Variants in JAK1 observed in about 807,000 individuals in gnomAD.
The protein encoded by JAK1 is Janus kinase 1.
A neutral mutation model predicts 136.6 loss-of-function variants in JAK1; 16 were observed. The ratio of observed to expected loss-of-function variants is 0.12; its 90% CI spans 0.08 to 0.18. JAK1 has a LOEUF of 0.18. Among genes scored for constraint, JAK1 ranks in the 10% least tolerant of loss-of-function variants. The probability of loss-of-function intolerance (pLI) is 1.00; values close to 1 mark genes in which losing one functional copy is unlikely to be tolerated. For synonymous variants in JAK1, 492 were observed against 519.5 expected, an observed-to-expected ratio of 0.95 and a Z score of 0.72; for missense variants, 859 against 1,450.1, an observed-to-expected ratio of 0.59 and a Z score of 6.62.
intron 11 of JAK1, among the ~76,000 whole-genome samples, 198 bp downstream of exon 11, chr1:64,855,311 G>T (rs1225826393): frequency 6.6e-6 from 1 of 152,194 alleles, no homozygotes; most frequent in African/African-American, 2.4e-5. Flanking sequence ...AAAGGTATAT[G>T]CCTCTTCTAC....
chr1:65,047,008 C>T (rs1489840582), intron 1 of JAK1, among the ~76,000 whole-genome samples: 1 of 150,180 alleles, frequency 6.7e-6, no homozygotes, highest in African/African-American at 2.5e-5. Context: ...CTAGGCAACA[C>T]AGTGAGATCC....
chr1:64,936,711 C>A (rs1047196695), intron 1 of JAK1, among the ~76,000 whole-genome samples: 2 of 152,150 alleles, frequency 1.3e-5, no homozygotes, highest in Middle Eastern at 3.2e-3. Flanking sequence ...GACCTACCTA[C>A]CTCATTTGCT....
In JAK1 at chr1:64,984,617, T is replaced by C. The variant is rs1390054000; in HGVS notation, c.-78+59863A>G. On this transcript the variant is annotated intron_variant, in intron 2 of 25. Transcript: ENST00000671954. This position sits in a 1 kb window ranked among gnomAD's most constrained non-coding sequence, Gnocchi z 4.1. ...GAAGGAGGCATGATTTAGACATTGG[T>C]GGTGGTCTCCTTAGCAGGCTGGATA... 5 of 446,070 alleles carry C rather than the reference T, an allele frequency of 1.1e-5. No homozygotes were observed. Among genetic ancestry groups the C allele is most frequent in the Admixed American group, 6.0e-5 (2 of 33,418 alleles). 27.6% of individuals were successfully genotyped at this position (446,070 alleles called of 1,614,324 possible).
At chr1:65,048,813 T>C (rs1330843786) in intron 1 of JAK1, among the ~76,000 whole-genome samples, 1 of 150,960 alleles carries the variant, frequency 6.6e-6, no homozygotes, top group East Asian at 2.2e-4. Flanking sequence ...TCTTGGGAAA[T>C]GGGCATTTAA....
chr1:64,981,077 A>T (rs1490588353), intron 2 of JAK1, among the ~76,000 whole-genome samples: 1 of 152,152 alleles, frequency 6.6e-6, no homozygotes, highest in Non-Finnish European at 1.5e-5. Flanking sequence ...TTCTATTTTC[A>T]GGAAGAAATA....
chr1:64,918,911 C>G (rs1645446042), intron 1 of JAK1, among the ~76,000 whole-genome samples: 1 of 152,092 alleles, frequency 6.6e-6, no homozygotes, highest in Non-Finnish European at 1.5e-5. Flanking sequence ...TCTTGAATGG[C>G]AGCAACTTTT....
At chr1:65,033,530 A>T (rs1647041937) in intron 2 of JAK1, among the ~76,000 whole-genome samples, 1 of 151,958 alleles carries the variant, frequency 6.6e-6, no homozygotes, top group East Asian at 1.9e-4. Flanking sequence ...TACAACTCTT[A>T]AATTATATAG....
At chr1:64,920,975 C>A (rs1403087414) in intron 1 of JAK1, among the ~76,000 whole-genome samples, 1 of 152,138 alleles carries the variant, frequency 6.6e-6, no homozygotes, top group Non-Finnish European at 1.5e-5. Context: ...GTTCTAAAAG[C>A]TTTTTATAAA....
At chr1:64,866,779 T>G (rs912952773) in intron 7 of JAK1, 87 bp downstream of exon 7, 1 of 949,492 alleles carries the variant, frequency 1.1e-6, no homozygotes, top group African/African-American at 1.6e-5. Flanking sequence ...GTGATGGACA[T>G]GCAGACAGAT....
Position 65,013,052 on chromosome 1 carries a change from T to C in JAK1, c.-78+31428A>G, listed in dbSNP as rs376680650. On this transcript the variant is annotated intron_variant, in intron 2 of 25. Coordinates refer to the JAK1 transcript ENST00000671954. ...CGGAACTTGCAGTGAGCCAAGATCG[T>C]GCCACTGCACTCCAGCCTGGGTGAC... is the stretch of plus-strand genomic sequence containing the variant. 1.4e-4 allele frequency among the ~76,000 whole-genome samples: 18 copies of C among 131,846 alleles called. 1 individual carries two copies. The highest frequency in any genetic ancestry group is 4.5e-4 in the Admixed American group (5 of 11,156). 86.5% of individuals were successfully genotyped at this position (131,846 alleles called of 152,430 possible). A position where few individuals can be genotyped will look rare whatever the true frequency, so the allele number is the denominator to read the frequency against.
chr1:65,038,938 T>TTGTGTGTGTGTGTGTGTGTGTGTGTGTG (rs150814115), intron 2 of JAK1, among the ~76,000 whole-genome samples: 3 of 147,954 alleles, frequency 2.0e-5, no homozygotes, highest in African/African-American at 5.0e-5. Context: ...GCACCCAGTC[T>TTGTGTGTGTGTGTGTGTGTGTGTGTGTG]TGTGTGTGTG....
rs1196644236 is a variant in JAK1, at chr1:64,841,551, C to T, written c.2454G>A (p.Lys818=). The T allele has an allele frequency of 3.7e-6, 6 of 1,614,166 alleles. No individual in the cohort carries two copies. Among genetic ancestry groups the T allele is most frequent in the Non-Finnish European group, 5.1e-6 (6 of 1,180,034 alleles). The change falls in exon 18 of 25, where the codon AAG becomes AAA. Residue 818 remains lysine (K), a synonymous_variant. Transcript: ENST00000342505. ...AGCGGGTCATGAGGTCAGCCAGCTC[C>T]TTACATGATGGTGTCACTGGCCTGC... ...SRCRPVTPSC[K]ELADLMTRCM...
At chr1:65,051,817 C>A (rs1273412242) in intron 1 of JAK1, among the ~76,000 whole-genome samples, 1 of 152,166 alleles carries the variant, frequency 6.6e-6, no homozygotes, top group African/African-American at 2.4e-5. Context: ...AGTCTAAATG[C>A]ACAAAGCAAC....
chr1:64,980,962 T>A (rs1646540142), intron 2 of JAK1, among the ~76,000 whole-genome samples: 1 of 152,230 alleles, frequency 6.6e-6, no homozygotes, highest in Non-Finnish European at 1.5e-5. Context: ...ATTTTCTTAA[T>A]CCAGTCTATC....
intron 1 of JAK1, among the ~76,000 whole-genome samples, chr1:64,928,844 G>GTAATA (rs1158188347): frequency 2.8e-5 from 4 of 142,224 alleles, no homozygotes; most frequent in African/African-American, 1.0e-4. Flanking sequence ...TATTTTTAAG[G>GTAATA]TAATATATTA....
intron 1 of JAK1, among the ~76,000 whole-genome samples, chr1:64,944,391 T>C (rs1175542554): frequency 6.6e-6 from 1 of 152,306 alleles, no homozygotes; most frequent in South Asian, 2.1e-4. Flanking sequence ...ATAAATAATA[T>C]GTCACTTTTG....
intron 1 of JAK1, among the ~76,000 whole-genome samples, chr1:64,891,885 C>A (rs1417467826): frequency 6.6e-6 from 1 of 152,264 alleles, no homozygotes; most frequent in African/African-American, 2.4e-5. Flanking sequence ...TACCCCAGAA[C>A]CGTAAGTGCT....
intron 2 of JAK1, chr1:65,022,820 G>A (rs1299510247): frequency 6.6e-6 from 1 of 152,118 alleles, no homozygotes; most frequent in Non-Finnish European, 1.5e-5. Flanking sequence ...CTTTCAATGT[G>A]TATATCAAAG....
At chr1:64,983,330 C>T (rs1646567456) in intron 2 of JAK1, among the ~76,000 whole-genome samples, 1 of 152,106 alleles carries the variant, frequency 6.6e-6, no homozygotes, top group African/African-American at 2.4e-5. Context: ...CACAGGACCA[C>T]GGTGGTCATG....
Sources: allele counts gnomAD v4.1 joint callset (sites outside exome capture counted in the v4.1 genomes callset), GRCh38; gene constraint gnomAD v4.1.1; non-coding constraint Gnocchi (gnomAD v3.1); transcripts MANE v1.5; gene names NCBI Gene and HGNC (gene_info 2026-07-23, HGNC 2026-07-21).